Variants in BLTP1 observed in about 807,000 individuals in gnomAD.
BLTP1 encodes the protein fragile site-associated protein.
At chr4:122,165,388 C>A in the BLTP1 span, among the ~76,000 whole-genome samples, 1 of 151,138 alleles carries the variant, frequency 6.6e-6, no homozygotes, top group Non-Finnish European at 1.5e-5. Flanking sequence ...CATGTCCCTA[C>A]AAAGGACATG....
the BLTP1 span, among the ~76,000 whole-genome samples, chr4:122,235,784 G>C: frequency 6.6e-6 from 1 of 152,022 alleles, no homozygotes; most frequent in South Asian, 2.1e-4. Context: ...CAGCCTGGGC[G>C]ACAGAGCGAG....
chr4:122,207,570 A>G, the BLTP1 span: 1 of 1,608,864 alleles, frequency 6.2e-7, no homozygotes, highest in South Asian at 1.1e-5. Flanking sequence ...AGAAACACTA[A>G]ACATTGATTT....
At chr4:122,229,935 G>A in the BLTP1 span, 2 of 1,611,442 alleles carry the variant, frequency 1.2e-6, no homozygotes, top group Non-Finnish European at 1.7e-6. Flanking sequence ...TTTTAGATGG[G>A]TGCAATTCGA....
the BLTP1 span, chr4:122,226,259 T>C: frequency 2.4e-5 from 6 of 245,924 alleles, no homozygotes; most frequent in Non-Finnish European, 3.9e-5. Flanking sequence ...TAAACAAAAG[T>C]GCTTTAATCT....
the BLTP1 span, chr4:122,190,124 TGAGA>T: frequency 1.2e-6 from 2 of 1,608,702 alleles, no homozygotes. Flanking sequence ...AGTGACAGAG[TGAGA>T]CTCTGTCACA....
the BLTP1 span, chr4:122,220,217 C>T: frequency 9.1e-7 from 1 of 1,093,754 alleles, no homozygotes; most frequent in Non-Finnish European, 1.3e-6. Context: ...ATCATAGTTT[C>T]TCTGTTTTTG....
chr4:122,287,692 C>G, the BLTP1 span: 1 of 985,136 alleles, frequency 1.0e-6, no homozygotes, highest in East Asian at 1.1e-4. Flanking sequence ...CTGCGGGGGA[C>G]ATATTTAAGT....
chr4:122,348,977 A>G, the BLTP1 span: 1 of 578,402 alleles, frequency 1.7e-6, no homozygotes, highest in Non-Finnish European at 2.8e-6. Context: ...GCTAGGAGTA[A>G]AGCTTCATTA....
At chr4:122,307,375 G>T in the BLTP1 span, 2 of 675,800 alleles carry the variant, frequency 3.0e-6, no homozygotes, top group Non-Finnish European at 1.8e-6. Flanking sequence ...TCGGATTAGG[G>T]ATGCTCAACC....
chr4:122,192,852 C>G, the BLTP1 span, among the ~76,000 whole-genome samples: 1 of 152,112 alleles, frequency 6.6e-6, no homozygotes, highest in Non-Finnish European at 1.5e-5. Context: ...GAAAAGTACT[C>G]TACTAGTTTG....
At chr4:122,203,850 AAAG>A in the BLTP1 span, 2 of 517,006 alleles carry the variant, frequency 3.9e-6, no homozygotes, top group East Asian at 2.9e-4. Flanking sequence ...ATGAGTTGTT[AAAG>A]AATAAAATAA....
At chr4:122,175,068 A>G in the BLTP1 span, 1 of 949,472 alleles carries the variant, frequency 1.1e-6, no homozygotes, top group Non-Finnish European at 1.3e-6. Context: ...TTATTCAAAG[A>G]AGGAAACACA....
chr4:122,213,358 A>G, the BLTP1 span, among the ~76,000 whole-genome samples: 3 of 152,106 alleles, frequency 2.0e-5, no homozygotes, highest in Non-Finnish European at 4.4e-5. Context: ...GTTTAACTAT[A>G]TAATGTGTAT....
chr4:122,270,635 C>CA, the BLTP1 span, among the ~76,000 whole-genome samples: 14,785 of 140,190 alleles, frequency 0.11, 929 homozygotes, highest in African/African-American at 0.18. Flanking sequence ...ATATTAGATA[C>CA]AGATTGTAGG....
chr4:122,200,984 C>G, the BLTP1 span: 1 of 1,600,506 alleles, frequency 6.2e-7, no homozygotes, highest in Non-Finnish European at 8.5e-7. Context: ...GCCTTAATTA[C>G]TTTTACCTAA....
the BLTP1 span, chr4:122,325,349 T>C: frequency 2.2e-5 from 34 of 1,574,496 alleles, no homozygotes; most frequent in South Asian, 3.1e-4. Flanking sequence ...GTTAGAGATA[T>C]ACATTGCTAA....
the BLTP1 span, chr4:122,254,448 A>AAGTTTG: frequency 7.7e-6 from 10 of 1,299,952 alleles, no homozygotes; most frequent in Non-Finnish European, 1.0e-5. Context: ...TCTGGTATAT[A>AAGTTTG]TAGTATTAAG....
At chr4:122,298,338 TC>T in the BLTP1 span, 1 of 404,170 alleles carries the variant, frequency 2.5e-6, no homozygotes, top group South Asian at 1.0e-4. Context: ...AACTAAGAAC[TC>T]TCTTAGCTTA....
chr4:122,296,558 A>G, the BLTP1 span, among the ~76,000 whole-genome samples: 1 of 152,218 alleles, frequency 6.6e-6, no homozygotes, highest in Non-Finnish European at 1.5e-5. Flanking sequence ...ACAACATTAG[A>G]AAAAACTATT....
Sources: allele counts gnomAD v4.1 joint callset (sites outside exome capture counted in the v4.1 genomes callset), GRCh38; gene constraint gnomAD v4.1.1; transcripts MANE v1.5; gene names NCBI Gene and HGNC (gene_info 2026-07-23, HGNC 2026-07-21).